Variants in C12orf42 observed in about 807,000 individuals in gnomAD.
The protein encoded by C12orf42 is chromosome 12 open reading frame 42.
A neutral mutation model predicts 21.6 loss-of-function variants in C12orf42; 25 were observed. That is an observed-to-expected ratio of 1.16 (90% CI 0.84 to 1.62). C12orf42 has a LOEUF of 1.62. C12orf42 is among the 40% of genes most tolerant of loss of function. The pLI, the probability that C12orf42 is intolerant of heterozygous loss-of-function variation, is 0.00. For synonymous variants in C12orf42, 174 were observed against 175.0 expected (o/e 0.99, Z 0.05); for missense variants, 483 against 459.3 (o/e 1.05, Z -0.47).
At position 103,259,125 on chromosome 12, in the gene C12orf42, C is replaced by T. The variant is rs75661757; in HGVS notation, c.*1366+4201G>A. 8.1e-4 allele frequency among the ~76,000 whole-genome samples: 124 copies of T among 152,186 alleles called. 2 individuals are homozygous for T. In the East Asian group the frequency reaches 0.018, roughly 22 times the overall value. The stretch of plus-strand genomic sequence containing the variant: ...AGAACCTAGAAACAGAACCACATAA[C>T]GGAAAATTTAAAGCCTAAGCCATAA... On this transcript the variant is annotated intron_variant and NMD_transcript_variant, in intron 10 of 10. Transcript: ENST00000547347.
At chr12:103,239,959 A>G (rs77348668) in intron 10 of C12orf42, among the ~76,000 whole-genome samples, 3 of 152,202 alleles carry the variant, frequency 2.0e-5, no homozygotes, top group African/African-American at 4.8e-5. Flanking sequence ...CTATATTACC[A>G]GTAAACACCA....
the C12orf42 span, among the ~76,000 whole-genome samples, chr12:103,219,187 G>A: frequency 6.6e-6 from 1 of 152,070 alleles, no homozygotes; most frequent in East Asian, 1.9e-4. Flanking sequence ...TTTTAATTGG[G>A]GCATTTAGCC....
the C12orf42 span, among the ~76,000 whole-genome samples, chr12:103,188,323 G>A: frequency 3.3e-5 from 5 of 151,992 alleles, no homozygotes; most frequent in East Asian, 7.7e-4. Context: ...TTGGGGTACA[G>A]GTGGTATTTG....
At chr12:103,479,704 A>T (rs959887099) in intron 1 of C12orf42, among the ~76,000 whole-genome samples, 3 of 152,074 alleles carry the variant, frequency 2.0e-5, no homozygotes, top group Non-Finnish European at 4.4e-5. Context: ...AGAAGATTGT[A>T]TATTTCCTTT....
chr12:103,131,608 T>C, the C12orf42 span, among the ~76,000 whole-genome samples: 1 of 152,038 alleles, frequency 6.6e-6, no homozygotes, highest in Non-Finnish European at 1.5e-5. Context: ...GTTCTAAATA[T>C]TTTTTTTCTC....
chr12:103,494,546 A>T (rs914589125), intron 1 of C12orf42, among the ~76,000 whole-genome samples: 1 of 148,064 alleles, frequency 6.8e-6, no homozygotes, highest in Non-Finnish European at 1.5e-5. Flanking sequence ...TAAGCACTCT[A>T]TGTGGCAGAT....
the C12orf42 span, among the ~76,000 whole-genome samples, chr12:103,131,855 G>A: frequency 1.3e-5 from 2 of 152,120 alleles, no homozygotes; most frequent in Admixed American, 6.5e-5. Flanking sequence ...TGATAATGGT[G>A]TTGGTGGTGA....
chr12:103,306,983 C>T (rs1340893938), intron 4 of C12orf42, among the ~76,000 whole-genome samples: 1 of 152,154 alleles, frequency 6.6e-6, no homozygotes. Flanking sequence ...AGCCAAGGAA[C>T]ACCTGGGCTA....
chr12:103,480,199 C>G (rs1023215637), intron 1 of C12orf42, among the ~76,000 whole-genome samples: 2 of 151,196 alleles, frequency 1.3e-5, no homozygotes, highest in East Asian at 3.9e-4. Flanking sequence ...ATTTTATTTC[C>G]TAGATTTCCA....
intron 2 of C12orf42, among the ~76,000 whole-genome samples, chr12:103,471,666 T>A (rs1953618377): frequency 6.6e-6 from 1 of 152,228 alleles, no homozygotes; most frequent in Admixed American, 6.5e-5. Context: ...GATTTTAACC[T>A]CTACACTGGT....
chr12:103,214,346 C>T, the C12orf42 span, among the ~76,000 whole-genome samples: 1 of 152,104 alleles, frequency 6.6e-6, no homozygotes. Flanking sequence ...AGATGCTTCA[C>T]GAAGGCTTGT....
chr12:103,162,030 C>G, the C12orf42 span, among the ~76,000 whole-genome samples: 11 of 152,186 alleles, frequency 7.2e-5, no homozygotes, highest in Non-Finnish European at 1.3e-4. Flanking sequence ...CCCCCAGCCC[C>G]CCTTCCCTTT....
At chr12:103,425,856 G>A (rs1176455635) in intron 2 of C12orf42, among the ~76,000 whole-genome samples, 1 of 152,030 alleles carries the variant, frequency 6.6e-6, no homozygotes, top group Non-Finnish European at 1.5e-5. Context: ...CCGAGCTGTG[G>A]TGGACTCCGT....
the C12orf42 span, among the ~76,000 whole-genome samples, chr12:103,508,716 TG>T: frequency 3.3e-5 from 5 of 152,192 alleles, no homozygotes; most frequent in African/African-American, 7.2e-5. Flanking sequence ...CAAGTTCCTT[TG>T]TGCAACATAG....
chr12:103,537,392 G>A, the C12orf42 span, among the ~76,000 whole-genome samples: 1 of 151,702 alleles, frequency 6.6e-6, no homozygotes, highest in Admixed American at 6.6e-5. Context: ...GGAAGAAAGA[G>A]AAAACTGTGG....
chr12:103,076,230 AATG>A, the C12orf42 span, among the ~76,000 whole-genome samples: 1 of 152,146 alleles, frequency 6.6e-6, no homozygotes, highest in Admixed American at 6.6e-5. Context: ...CTTAAAGTAT[AATG>A]ATAATAATAA....
chr12:103,075,224 A>G, the C12orf42 span, among the ~76,000 whole-genome samples: 2 of 152,186 alleles, frequency 1.3e-5, no homozygotes, highest in Non-Finnish European at 2.9e-5. Context: ...TTTCATATCT[A>G]CTTTTTATGA....
At chr12:103,546,367 G>A in the C12orf42 span, among the ~76,000 whole-genome samples, 148 of 152,270 alleles carry the variant, frequency 9.7e-4, 5 homozygotes, top group East Asian at 0.025. Flanking sequence ...CCTCTGAAAG[G>A]ATCCAGGGCA....
intron 4 of C12orf42, among the ~76,000 whole-genome samples, chr12:103,314,957 T>G (rs1333898377): frequency 3.9e-5 from 6 of 152,172 alleles, no homozygotes; most frequent in Non-Finnish European, 7.3e-5. Context: ...CTAAATATGT[T>G]GCAAGATGCA....
Sources: allele counts gnomAD v4.1 joint callset (sites outside exome capture counted in the v4.1 genomes callset), GRCh38; gene constraint gnomAD v4.1.1; transcripts MANE v1.5; gene names NCBI Gene and HGNC (gene_info 2026-07-23, HGNC 2026-07-21).